IDS: variants seen among roughly 807,000 people sequenced by gnomAD.
IDS encodes the protein alpha-L-iduronate sulfate sulfatase.
In IDS, 1 loss-of-function variant was observed where a neutral mutation model predicts 33.5. That is an observed-to-expected ratio of 0.03 (90% CI 0.01 to 0.14). The LOEUF is 0.14. Ranked by LOEUF, IDS falls within the 10% of genes least tolerant of loss-of-function variation. The probability of loss-of-function intolerance (pLI) is 1.00; values close to 1 mark genes in which losing one functional copy is unlikely to be tolerated. For missense variants in IDS, 328 were observed against 448.0 expected, an observed-to-expected ratio of 0.73 and a Z score of 2.42; for synonymous variants, 191 against 184.4, an observed-to-expected ratio of 1.04 and a Z score of -0.29.
chrX:149,486,064 G>A, intron 8 of IDS, among the ~76,000 whole-genome samples: 1 of 111,681 alleles, frequency 9.0e-6, no homozygotes, highest in East Asian at 2.8e-4. Context: ...ACTCCAAAAA[G>A]AGCAAACGTC....
rs1476160259 is a variant in IDS, at chrX:149,477,301, C to T, written c.*5445G>A. On this transcript the variant is annotated 3_prime_UTR_variant, in exon 9 of 9. Coordinates refer to ENST00000340855, the MANE Select transcript of IDS (RefSeq NM_000202.8). ...TGGCCTTTGCTCCTCTCCTTGTCCA[C>T]GTCCCAACTCTTGTTTCCTAGCATG... is the stretch of plus-strand genomic sequence containing the variant. 8.9e-6 allele frequency: 1 copy of T among 112,500 alleles called. No homozygotes were observed. The highest frequency in any genetic ancestry group is 2.8e-4 in the East Asian group (1 of 3,590). The allele number at this position is 112,500 out of a possible 1,213,427, so 9.3% of individuals were successfully genotyped here. A position where few individuals can be genotyped will look rare whatever the true frequency, so the allele number is the denominator to read the frequency against.
intron 8 of IDS, 80 bp downstream of exon 8, chrX:149,486,845 C>G: frequency 9.4e-7 from 1 of 1,063,579 alleles, no homozygotes; most frequent in Non-Finnish European, 1.3e-6. Flanking sequence ...CCCCCAAAGC[C>G]TATGATTCAA....
At position 149,487,004 on chromosome X, in the gene IDS, C is replaced by T; in HGVS notation, c.1101G>A (p.Thr367=). 8.3e-7 allele frequency: 1 copy of T among 1,211,599 alleles called. No homozygotes were observed. The highest frequency in any genetic ancestry group is 1.7e-5 in the African/African-American group (1 of 57,814). Residue 367 remains threonine, a synonymous_variant, in exon 8 of 9, where the codon ACG becomes ACA. Coordinates refer to ENST00000340855, the MANE Select transcript of IDS (RefSeq NM_000202.8). ...TCTCGCCTGCCTCCGGAAGTGAAGC[C>T]GTCCTTCCAGGAACATAGAATATCA... ...VPLIFYVPGR[T]ASLPEAGEKL...
intron 5 of IDS, 53 bp downstream of exon 5, chrX:149,498,054 A>G (rs966436576): frequency 2.0e-5 from 22 of 1,092,807 alleles, no homozygotes; most frequent in Non-Finnish European, 2.8e-5. Context: ...CTCCCTCAAC[A>G]AACAACACAG....
intron 7 of IDS, chrX:149,487,344 A>G (rs1291863698): frequency 1.2e-5 from 13 of 1,059,597 alleles, no homozygotes; most frequent in Non-Finnish European, 1.4e-5. Context: ...TTAAATTCCC[A>G]AACTCAAATA....
intron 2 of IDS, 36 bp from the exon 3 acceptor site, chrX:149,503,525 C>G: frequency 9.7e-7 from 1 of 1,034,878 alleles, no homozygotes; most frequent in Non-Finnish European, 1.3e-6. Flanking sequence ...AGCATCGCCA[C>G]AGCAAAACAT....
At chrX:149,487,324 G>GA (rs1470971653) in intron 7 of IDS, 1 of 1,145,991 alleles carries the variant, frequency 8.7e-7, no homozygotes, top group African/African-American at 1.8e-5. Context: ...CTTTAAAAAA[G>GA]AAAAAATAAT....
chrX:149,494,733 G>C (rs1216305733), intron 6 of IDS, among the ~76,000 whole-genome samples: 2 of 112,051 alleles, frequency 1.8e-5, no homozygotes, highest in Non-Finnish European at 3.8e-5. Flanking sequence ...ACTTCTACAT[G>C]CTCTCTTTGG....
intron 7 of IDS, among the ~76,000 whole-genome samples, chrX:149,489,808 A>T (rs2089373072): frequency 9.0e-6 from 1 of 111,263 alleles, no homozygotes; most frequent in Non-Finnish European, 1.9e-5. Context: ...AAATGCTTTT[A>T]AAAAGATAGT....
intron 5 of IDS, among the ~76,000 whole-genome samples, chrX:149,497,779 T>C (rs868972373): frequency 8.9e-5 from 10 of 112,135 alleles, no homozygotes; most frequent in South Asian, 3.7e-4. Flanking sequence ...CCATCCCTTA[T>C]TACAGGCTTT....
At position 149,478,467 on chromosome X, in the gene IDS, C is replaced by T. The variant is rs2089278105; in HGVS notation, c.*4279G>A. The T allele has an allele frequency of 8.9e-6, 1 of 111,813 alleles. No individual in the cohort carries two copies. Among genetic ancestry groups the T allele is most frequent in the Admixed American group, 9.4e-5 (1 of 10,635 alleles). 9.2% of individuals were successfully genotyped at this position (111,813 alleles called of 1,213,427 possible). ...CTGTGCAGCCATTACAGCTGTTAATCAAGAACTGTCAATGACATAAAAAAC... is the reference window on the plus strand; with the variant it reads ...CTGTGCAGCCATTACAGCTGTTAATTAAGAACTGTCAATGACATAAAAAAC... On this transcript the variant is annotated 3_prime_UTR_variant, in exon 9 of 9. Transcript: ENST00000340855.
rs2124047400 is a variant in IDS, at chrX:149,498,326, A to T, written c.508-19T>A. 2.6e-6 allele frequency: 3 copies of T among 1,166,751 alleles called. No individual in the cohort carries two copies. Among genetic ancestry groups the T allele is most frequent in the Non-Finnish European group, 3.5e-6 (3 of 855,963 alleles). ...GACATGTCTTTCAAAACAAAATAAT[A>T]TAACATCAGCTTTTTAAGTGCAAGA... On this transcript the variant is annotated intron_variant, in intron 4 of 8. Transcript: ENST00000340855.
At chrX:149,493,824 G>A (rs1373343903) in intron 6 of IDS, among the ~76,000 whole-genome samples, 1 of 111,522 alleles carries the variant, frequency 9.0e-6, no homozygotes, top group Non-Finnish European at 1.9e-5. Context: ...AACTTGCCCA[G>A]AGTCACACAG....
chrX:149,487,788 T>C (rs1181924992), intron 7 of IDS, among the ~76,000 whole-genome samples: 64 of 106,236 alleles, frequency 6.0e-4, no homozygotes, highest in African/African-American at 2.1e-3. Flanking sequence ...TACAGCACCC[T>C]TTTTGATACA....
chrX:149,487,588 A>G (rs1430758160), intron 7 of IDS, among the ~76,000 whole-genome samples: 2 of 112,229 alleles, frequency 1.8e-5, no homozygotes, highest in Non-Finnish European at 3.8e-5. Flanking sequence ...ACTGCAACAC[A>G]CTCGGCAAAT....
rs1557338137 is a variant in IDS at position 149,487,030 on chromosome X, G to C, written c.1075C>G (p.Leu359Val). The C allele has an allele frequency of 3.3e-6, 4 of 1,209,781 alleles. No homozygotes were observed. The African/African-American group carries it at 7.0e-5, about 21-fold the overall frequency. ...SNFDVATHVP[L>V]IFYVPGRTAS... ...GTCCTTCCAGGAACATAGAATATCA[G>C]GGGAACATGGGTAGCAACATCAAAA... The change falls in exon 8 of 9, where the codon CTG becomes GTG. Residue 359 changes from leucine (L) to valine (V), a missense_variant. Physicochemically the swap from Leu to Val is conservative, Grantham distance 32. Coordinates refer to ENST00000340855, the MANE Select transcript of IDS (RefSeq NM_000202.8).
chrX:149,502,034 G>A, intron 3 of IDS: 1 of 280,486 alleles, frequency 3.6e-6, no homozygotes, highest in Non-Finnish European at 7.0e-6. Flanking sequence ...CTTGCTGTTG[G>A]GAGGATTAAA....
chrX:149,504,375 A>G, intron 1 of IDS, 82 bp from the exon 2 acceptor site: 1 of 1,025,593 alleles, frequency 9.8e-7, no homozygotes, highest in Non-Finnish European at 1.3e-6. Flanking sequence ...GGTTACTAAG[A>G]GGCCCAAGGC....
chrX:149,493,081 G>T (rs1343197300), intron 6 of IDS, among the ~76,000 whole-genome samples: 2 of 112,125 alleles, frequency 1.8e-5, no homozygotes, highest in African/African-American at 6.5e-5. Context: ...GCCTAGGAAT[G>T]GCTCTCACAG....
Sources: allele counts gnomAD v4.1 joint callset (sites outside exome capture counted in the v4.1 genomes callset), GRCh38; gene constraint gnomAD v4.1.1; transcripts MANE v1.5; gene names NCBI Gene and HGNC (gene_info 2026-07-23, HGNC 2026-07-21).